KLHL13: variants seen among roughly 807,000 people sequenced by gnomAD.
The protein encoded by KLHL13 is kelch-like protein 13.
A neutral mutation model predicts 37.1 loss-of-function variants in KLHL13; 10 were observed. That is an observed-to-expected ratio of 0.27 (90% CI 0.17 to 0.46). The LOEUF (loss-of-function observed/expected upper bound fraction) is 0.46, where lower values mean the gene tolerates loss of function less well. Among genes scored for constraint, KLHL13 ranks in the 20% least tolerant of loss-of-function variants. The probability of loss-of-function intolerance (pLI) is 1.00; values close to 1 mark genes in which losing one functional copy is unlikely to be tolerated. For missense variants in KLHL13, 360 were observed against 509.3 expected (o/e 0.71, Z 2.82); for synonymous variants, 163 against 181.2 (o/e 0.90, Z 0.81).
At chrX:118,054,982 A>G (rs1372834004) in intron 1 of KLHL13, among the ~76,000 whole-genome samples, 1 of 110,804 alleles carries the variant, frequency 9.0e-6, no homozygotes, top group African/African-American at 3.3e-5. Flanking sequence ...AAAAACTGGC[A>G]AATCACCAGT....
chrX:117,975,243 A>G (rs1007621019), upstream of KLHL13, among the ~76,000 whole-genome samples: 9 of 111,451 alleles, frequency 8.1e-5, no homozygotes, highest in African/African-American at 2.6e-4. Flanking sequence ...GAAATGTCTT[A>G]TTCCACAGTG....
chrX:117,973,825 C>A, upstream of KLHL13: 3 of 548,904 alleles, frequency 5.5e-6, no homozygotes, highest in Non-Finnish European at 6.6e-6. Flanking sequence ...CACCACCCCC[C>A]CCACTCCTCC....
intron 1 of KLHL13, among the ~76,000 whole-genome samples, chrX:118,053,872 G>A (rs2054655938): frequency 1.0e-5 from 1 of 96,306 alleles, no homozygotes; most frequent in East Asian, 3.4e-4. Context: ...GAGAGAGAGA[G>A]AGAGAGAGAG....
intron 2 of KLHL13, among the ~76,000 whole-genome samples, chrX:117,942,417 T>G (rs1933088814): frequency 9.0e-6 from 1 of 111,341 alleles, no homozygotes; most frequent in Admixed American, 9.6e-5. Flanking sequence ...TGTCTAATAT[T>G]GTCAGTGGGG....
At chrX:117,952,928 G>A (rs1933703677) in intron 1 of KLHL13, among the ~76,000 whole-genome samples, 1 of 110,477 alleles carries the variant, frequency 9.1e-6, no homozygotes, top group South Asian at 3.9e-4. Context: ...AGGATGTGGA[G>A]AAATAGAAAC....
rs982834060 is a variant in KLHL13 at position 118,017,087 on chromosome X, G to C, written c.-55-71512C>G. 7.2e-5 allele frequency among the ~76,000 whole-genome samples: 8 copies of C among 111,117 alleles called. No individual in the cohort carries two copies. In the Admixed American group the frequency reaches 7.7e-4, roughly 11 times the overall value. On this transcript the variant is annotated intron_variant, in intron 1 of 6. Transcript: ENST00000371882. Reference sequence around the variant, plus strand: ...AAATAATCCACACAGCCACCAAAGTGATCTTTCTAGCAGTATAAGGCAGAT... The same window carrying C: ...AAATAATCCACACAGCCACCAAAGTCATCTTTCTAGCAGTATAAGGCAGAT...
chrX:118,008,618 T>C (rs2054015521), intron 1 of KLHL13, among the ~76,000 whole-genome samples: 1 of 112,049 alleles, frequency 8.9e-6, no homozygotes, highest in African/African-American at 3.2e-5. Context: ...TATTTATTAC[T>C]GCCATGAATT....
At chrX:117,904,425 CAA>C (rs956784358) in intron 5 of KLHL13, among the ~76,000 whole-genome samples, 2 of 110,879 alleles carry the variant, frequency 1.8e-5, no homozygotes, top group African/African-American at 6.6e-5. Context: ...TGATGCAAGG[CAA>C]AGAGTTGGAG....
At chrX:118,047,631 T>C (rs988854053) in intron 1 of KLHL13, among the ~76,000 whole-genome samples, 5 of 112,016 alleles carry the variant, frequency 4.5e-5, no homozygotes, top group African/African-American at 1.6e-4. Context: ...CCAACCATAA[T>C]AGAAACAGGA....
chrX:117,944,670 A>G (rs5956818), intron 2 of KLHL13, among the ~76,000 whole-genome samples: 27,229 of 110,696 alleles, frequency 0.25, 5,566 homozygotes, highest in African/African-American at 0.69. Flanking sequence ...TAAGAGGACC[A>G]ATATAATTTA....
intron 1 of KLHL13, among the ~76,000 whole-genome samples, chrX:118,065,332 T>A (rs962849187): frequency 1.3e-4 from 14 of 111,239 alleles, no homozygotes; most frequent in South Asian, 3.8e-4. Flanking sequence ...CCAACCAGCA[T>A]TTTGTGAACT....
At chrX:118,047,153 C>T (rs1325246496) in intron 1 of KLHL13, among the ~76,000 whole-genome samples, 1 of 110,805 alleles carries the variant, frequency 9.0e-6, no homozygotes, top group Non-Finnish European at 1.9e-5. Context: ...TTTTAAAAAG[C>T]AGAGGTTATC....
intron 1 of KLHL13, among the ~76,000 whole-genome samples, chrX:118,111,926 G>C (rs1436067290): frequency 8.9e-6 from 1 of 111,740 alleles, no homozygotes; most frequent in African/African-American, 3.3e-5. Context: ...AAAGAGAAAA[G>C]AAAAAGTGGG....
intron 1 of KLHL13, among the ~76,000 whole-genome samples, chrX:118,011,925 T>C (rs1057164633): frequency 4.4e-5 from 5 of 112,526 alleles, no homozygotes; most frequent in Non-Finnish European, 7.5e-5. Context: ...AATTATACAA[T>C]TGGATAAGAA....
At chrX:118,056,095 T>C (rs1327712581) in intron 1 of KLHL13, among the ~76,000 whole-genome samples, 1 of 111,677 alleles carries the variant, frequency 9.0e-6, no homozygotes, top group Admixed American at 9.5e-5. Context: ...TGGAAGACTA[T>C]TAGAAGTAAA....
At chrX:118,004,705 C>T (rs777779180) in intron 1 of KLHL13, among the ~76,000 whole-genome samples, 8 of 112,013 alleles carry the variant, frequency 7.1e-5, no homozygotes, top group Non-Finnish European at 1.5e-4. Context: ...GTATTCTCAA[C>T]CTCATCAGAA....
In KLHL13 at chrX:117,946,525, C is replaced by T. The variant is rs750333542; in HGVS notation, c.99-950G>A. ...TCCTTAGAAGAGATCTTGTGTTTCTCCATAGGTATACATTGCTAAAATAAT... is the reference window on the plus strand; with the variant it reads ...TCCTTAGAAGAGATCTTGTGTTTCTTCATAGGTATACATTGCTAAAATAAT... On this transcript the variant is annotated intron_variant, in intron 1 of 6. Transcript: ENST00000262820. 12 of 111,896 alleles carry T rather than the reference C, an allele frequency of 1.1e-4. No homozygotes were observed. The South Asian group carries it at 4.1e-3, about 38-fold the overall frequency. The allele number at this position is 111,896 out of a possible 1,213,427, so 9.2% of individuals were successfully genotyped here.
At chrX:117,944,690 A>G (rs1309374864) in intron 2 of KLHL13, among the ~76,000 whole-genome samples, 14 of 111,647 alleles carry the variant, frequency 1.3e-4, no homozygotes, top group African/African-American at 4.6e-4. Context: ...AACTATCTTT[A>G]GAAGACATTA....
chrX:118,094,349 A>G (rs2055175642), intron 1 of KLHL13, among the ~76,000 whole-genome samples: 1 of 111,623 alleles, frequency 9.0e-6, no homozygotes, highest in African/African-American at 3.3e-5. Context: ...AAAAAAGAGT[A>G]CAAAGAAATG....
Sources: gnomAD v4.1 joint callset for allele counts (sites outside exome capture counted in the v4.1 genomes callset) on GRCh38, gnomAD v4.1.1 for gene constraint, MANE v1.5 for transcripts, NCBI Gene and HGNC (gene_info 2026-07-23, HGNC 2026-07-21) for gene names.